Variants in CSPP1 observed in about 807,000 individuals in gnomAD.
CSPP1 encodes centrosome and spindle pole associated protein 1, also known as centrosome and spindle pole-associated protein 1.
In CSPP1, 126 loss-of-function variants were observed where a neutral mutation model predicts 164.4. The ratio of observed to expected loss-of-function variants is 0.77; its 90% CI spans 0.66 to 0.89. CSPP1 has a LOEUF of 0.89. Ranked by LOEUF, CSPP1 falls within the 40% of genes least tolerant of loss-of-function variation. The probability of loss-of-function intolerance (pLI) is 0.00; values close to 1 mark genes in which losing one functional copy is unlikely to be tolerated. For missense variants in CSPP1, 1,395 were observed against 1,449.8 expected (o/e 0.96, Z 0.61); for synonymous variants, 472 against 476.7 (o/e 0.99, Z 0.13).
At chr8:67,158,342 A>T in intron 19 of CSPP1, 105 bp from the exon 20 acceptor site, 1 of 1,239,842 alleles carries the variant, frequency 8.1e-7, no homozygotes, top group Non-Finnish European at 1.1e-6. Context: ...GAACATGCAA[A>T]AAGAGGGTAC....
intron 1 of CSPP1, among the ~76,000 whole-genome samples, chr8:67,066,923 T>C (rs911572730): frequency 1.1e-4 from 17 of 152,084 alleles, no homozygotes; most frequent in Admixed American, 6.6e-5. Context: ...ACCCAGCTAA[T>C]TTTTTTATTC....
At chr8:67,110,012 T>C (rs1159162634) in intron 9 of CSPP1, among the ~76,000 whole-genome samples, 1 of 152,058 alleles carries the variant, frequency 6.6e-6, no homozygotes, top group Non-Finnish European at 1.5e-5. Context: ...GGGTTTGTTT[T>C]AGATAAGCCA....
Position 67,195,664 on chromosome 8 carries a change from T to TC in CSPP1, c.*73dup. The TC allele has an allele frequency of 7.3e-7, 1 of 1,375,652 alleles. No homozygotes were observed. The highest frequency in any genetic ancestry group is 1.0e-6 in the Non-Finnish European group (1 of 984,882). The allele number at this position is 1,375,652 out of a possible 1,614,324, so 85.2% of individuals were successfully genotyped here. On this transcript the variant is annotated 3_prime_UTR_variant, in exon 31 of 31. Coordinates refer to ENST00000678616, the MANE Select transcript of CSPP1 (RefSeq NM_001382391.1). ...ATGGTAAATCTGTACCTTTAATATG[T>TC]CCTACTTTTGGCCCCTACCTGAAAG... is the stretch of plus-strand genomic sequence containing the variant.
chr8:67,172,697 G>C (rs1019057095), intron 25 of CSPP1, 142 bp downstream of exon 25: 1 of 707,820 alleles, frequency 1.4e-6, no homozygotes, highest in African/African-American at 1.8e-5. Context: ...TGAAACTTAT[G>C]TATTCTCTAG....
chr8:67,079,856 C>A (rs757089290), intron 3 of CSPP1, among the ~76,000 whole-genome samples: 3 of 152,158 alleles, frequency 2.0e-5, no homozygotes, highest in African/African-American at 7.2e-5. Flanking sequence ...TAGCACAGTG[C>A]GCAGCACTTA....
At position 67,192,686 on chromosome 8, in the gene CSPP1, C is replaced by A. The variant is rs947347256; in HGVS notation, c.3331-778C>A. Among the ~76,000 whole-genome samples the A allele has an allele frequency of 4.6e-5, 7 of 152,266 alleles. No individual in the cohort carries two copies. The East Asian group carries it at 1.4e-3, about 29-fold the overall frequency. On this transcript the variant is annotated intron_variant, in intron 29 of 30. Coordinates refer to ENST00000678616, the MANE Select transcript of CSPP1 (RefSeq NM_001382391.1). ...TCCATGATACACTTTAATTTTTGCA[C>A]AGGGTGTGAGGTGCAGGGGTCCAAG...
intron 17 of CSPP1, among the ~76,000 whole-genome samples, chr8:67,149,410 G>A (rs957079306): frequency 6.6e-6 from 1 of 152,158 alleles, no homozygotes; most frequent in Non-Finnish European, 1.5e-5. Flanking sequence ...ATAATTATGT[G>A]TTATTAGGAG....
chr8:67,102,968 A>C, intron 7 of CSPP1, 69 bp from the exon 8 acceptor site: 1 of 871,422 alleles, frequency 1.1e-6, no homozygotes, highest in Middle Eastern at 2.3e-4. Context: ...TCAAATGTAA[A>C]AACACCAAAC....
At chr8:67,137,985 G>C (rs1446466095) in intron 17 of CSPP1, among the ~76,000 whole-genome samples, 1 of 152,160 alleles carries the variant, frequency 6.6e-6, no homozygotes, top group Non-Finnish European at 1.5e-5. Context: ...AATAAAGGAT[G>C]TAAAACAGTT....
chr8:67,183,736 A>G (rs974366668), intron 28 of CSPP1, among the ~76,000 whole-genome samples: 1 of 152,100 alleles, frequency 6.6e-6, no homozygotes, highest in Non-Finnish European at 1.5e-5. Context: ...AGATACCAAC[A>G]GAAAATCTAG....
intron 28 of CSPP1, among the ~76,000 whole-genome samples, chr8:67,186,324 A>G (rs1341830139): frequency 1.3e-5 from 2 of 152,024 alleles, no homozygotes; most frequent in African/African-American, 4.8e-5. Context: ...TATGTATGGA[A>G]TGTTATGATA....
intron 15 of CSPP1, among the ~76,000 whole-genome samples, chr8:67,126,303 A>G (rs1294938553): frequency 1.3e-5 from 2 of 152,124 alleles, no homozygotes; most frequent in African/African-American, 4.8e-5. Context: ...CAAGTGTCAT[A>G]ATTTCTTTTT....
Position 67,174,724 on chromosome 8 carries a change from C to A in CSPP1, c.2969-572C>A, listed in dbSNP as rs575002405. The A allele has an allele frequency of 1.4e-3, 212 of 152,442 alleles. 1 individual carries two copies. Among genetic ancestry groups the A allele is most frequent in the Non-Finnish European group, 2.5e-3 (171 of 68,852 alleles). 9.4% of individuals were successfully genotyped at this position (152,442 alleles called of 1,614,324 possible). ...AGCTGGCAGTGAGCCAAGACCGTGC[C>A]ACTGCACTCCAGCCTGGGCGACAGA... On this transcript the variant is annotated intron_variant, in intron 25 of 30. Transcript: ENST00000678616.
chr8:67,128,930 G>A (rs1047347230), intron 15 of CSPP1, among the ~76,000 whole-genome samples: 2 of 152,234 alleles, frequency 1.3e-5, no homozygotes, highest in East Asian at 3.9e-4. Flanking sequence ...GTTAATTGGG[G>A]TAATAATGGT....
At chr8:67,109,837 G>A (rs1816453677) in intron 9 of CSPP1, among the ~76,000 whole-genome samples, 1 of 152,064 alleles carries the variant, frequency 6.6e-6, no homozygotes, top group South Asian at 2.1e-4. Flanking sequence ...GGATGGCGGG[G>A]TTACAGCTGA....
intron 24 of CSPP1, among the ~76,000 whole-genome samples, chr8:67,167,945 C>CGGCT (rs1221089076): frequency 2.0e-5 from 3 of 151,878 alleles, no homozygotes; most frequent in Non-Finnish European, 4.4e-5. Flanking sequence ...CCAAGGCAGG[C>CGGCT]GGCTGGGAGG....
At chr8:67,181,070 C>G (rs1035125391) in intron 28 of CSPP1, among the ~76,000 whole-genome samples, 4 of 151,824 alleles carry the variant, frequency 2.6e-5, no homozygotes, top group African/African-American at 9.7e-5. Context: ...GAGGGTCTTG[C>G]TCTGTCGCCC....
At chr8:67,092,985 G>A (rs1811942157) in intron 5 of CSPP1, among the ~76,000 whole-genome samples, 1 of 152,148 alleles carries the variant, frequency 6.6e-6, no homozygotes, top group Non-Finnish European at 1.5e-5. Context: ...GGAGAGGGAG[G>A]TGTCCCTGAG....
chr8:67,135,002 C>T (rs971780270), intron 16 of CSPP1: 1 of 152,190 alleles, frequency 6.6e-6, no homozygotes, highest in East Asian at 1.9e-4. Flanking sequence ...ACATTGACTT[C>T]TCTTTACTAG....
Sources: allele counts gnomAD v4.1 joint callset (sites outside exome capture counted in the v4.1 genomes callset), GRCh38; gene constraint gnomAD v4.1.1; transcripts MANE v1.5; gene names NCBI Gene and HGNC (gene_info 2026-07-23, HGNC 2026-07-21).